LGR5: variants seen among roughly 807,000 people sequenced by gnomAD.
LGR5 encodes the protein leucine rich repeat containing G protein-coupled receptor 5, also known as leucine-rich repeat-containing G protein-coupled receptor 5.
LGR5 carries 54 observed loss-of-function variants against 76.7 expected under a neutral mutation model. The observed-to-expected ratio is 0.70, with a 90% CI of 0.57 to 0.88. LGR5 has a LOEUF of 0.88. Ranked by LOEUF, LGR5 falls within the 40% of genes least tolerant of loss-of-function variation. The probability of loss-of-function intolerance (pLI) is 0.00; values close to 1 mark genes in which losing one functional copy is unlikely to be tolerated. For synonymous variants in LGR5, 406 were observed against 421.9 expected, an observed-to-expected ratio of 0.96 and a Z score of 0.46; for missense variants, 1,078 against 1,073.3, an observed-to-expected ratio of 1.00 and a Z score of -0.06.
chr12:71,552,587 C>T (rs1255860891), intron 4 of LGR5, among the ~76,000 whole-genome samples: 5 of 150,440 alleles, frequency 3.3e-5, no homozygotes, highest in African/African-American at 7.4e-5. Context: ...AAAAAAATTA[C>T]GCAGTTCCTT....
Position 71,583,785 on chromosome 12 carries a change from T to G in LGR5, c.1775T>G (p.Ile592Ser), listed in dbSNP as rs764505750. 3.1e-6 allele frequency: 5 copies of G among 1,613,976 alleles called. No homozygotes were observed. In the Admixed American group the frequency reaches 8.3e-5, roughly 27 times the overall value. ...AGATCCCCTCTGTACATTTCCCCCA[T>G]TAAACTGTTAATTGGGGTCATCGCA... ...VFRSPLYISP[I>S]KLLIGVIAAV... Residue 592 changes from isoleucine (I) to serine (S), a missense_variant, in exon 18 of 18, where the codon ATT (isoleucine) becomes AGT (serine). Transcript: ENST00000266674.
Position 71,553,246 on chromosome 12 carries a change from T to TA in LGR5, c.603dup (p.Pro202ThrfsTer18). On this transcript the variant is annotated frameshift_variant, in exon 5 of 18. Transcript: ENST00000266674. LOFTEE classifies it high-confidence loss of function. The stretch of plus-strand genomic sequence containing the variant: ...TTGGCCCTGAACAAAATACACCACA[T>TA]ACCAGACTATGCCTTTGGAAACCTC... The TA allele has an allele frequency of 6.2e-7, 1 of 1,613,956 alleles. No homozygotes were observed. Among genetic ancestry groups the TA allele is most frequent in the Non-Finnish European group, 8.5e-7 (1 of 1,179,984 alleles).
chr12:71,526,590 T>A (rs1876016713), intron 3 of LGR5, among the ~76,000 whole-genome samples: 1 of 152,150 alleles, frequency 6.6e-6, no homozygotes, highest in African/African-American at 2.4e-5. Flanking sequence ...TAAAGATCAA[T>A]AAATATTGTT....
chr12:71,582,651 C>CA, intron 17 of LGR5, 112 bp downstream of exon 17: 1 of 742,404 alleles, frequency 1.3e-6, no homozygotes, highest in Non-Finnish European at 2.4e-6. Flanking sequence ...CTTTGCAGCT[C>CA]ATCAGTAACC....
Position 71,582,485 on chromosome 12 carries a change from G to C in LGR5, c.1582G>C (p.Asp528His). ...DERDLEDFLL[D>H]FEEDLKALHS... ...ACGTGACCTTGAAGATTTCCTGCTT[G>C]ACTTTGAGGAAGACCTGAAAGCCCT... The change falls in exon 17 of 18, where the codon GAC becomes CAC. Residue 528 changes from aspartate (D) to histidine (H), a missense_variant. Coordinates refer to ENST00000266674, the MANE Select transcript of LGR5 (RefSeq NM_003667.4). The C allele has an allele frequency of 6.2e-7, 1 of 1,614,030 alleles. No individual in the cohort carries two copies. Among genetic ancestry groups the C allele is most frequent in the Non-Finnish European group, 8.5e-7 (1 of 1,179,968 alleles).
chr12:71,582,624 A>G (rs1357121805), intron 17 of LGR5, 85 bp downstream of exon 17: 4 of 1,051,224 alleles, frequency 3.8e-6, no homozygotes, highest in Non-Finnish European at 5.9e-6. Flanking sequence ...ATACTTTAAA[A>G]GCCGAATCTG....
chr12:71,516,690 G>A (rs985898121), intron 2 of LGR5, among the ~76,000 whole-genome samples: 3 of 152,036 alleles, frequency 2.0e-5, no homozygotes, highest in Admixed American at 6.6e-5. Flanking sequence ...AAAGAAAATT[G>A]TACATTCTCC....
At chr12:71,494,377 C>T (rs1044463170) in intron 1 of LGR5, among the ~76,000 whole-genome samples, 7 of 150,872 alleles carry the variant, frequency 4.6e-5, no homozygotes, top group African/African-American at 1.5e-4. Flanking sequence ...TGAACCACTG[C>T]GCCTGGCTTG....
chr12:71,548,815 TACACAC>T (rs71068775), intron 4 of LGR5, among the ~76,000 whole-genome samples: 99,466 of 148,546 alleles, frequency 0.67, 35,045 homozygotes, highest in Non-Finnish European at 0.8. Flanking sequence ...CTAAGGTGCC[TACACAC>T]ACACACACAC....
chr12:71,517,735 C>A (rs576143904), intron 2 of LGR5, among the ~76,000 whole-genome samples: 2 of 152,324 alleles, frequency 1.3e-5, no homozygotes, highest in African/African-American at 4.8e-5. Context: ...TCATGGTCAA[C>A]CAAACCTGAA....
At chr12:71,495,056 G>C (rs1025676218) in intron 1 of LGR5, among the ~76,000 whole-genome samples, 1 of 148,794 alleles carries the variant, frequency 6.7e-6, no homozygotes, top group African/African-American at 2.6e-5. Context: ...CGGTGGCATG[G>C]CCCAAGGATT....
intron 1 of LGR5, among the ~76,000 whole-genome samples, chr12:71,486,940 G>C (rs924681772): frequency 1.3e-5 from 2 of 152,144 alleles, no homozygotes; most frequent in African/African-American, 4.8e-5. Context: ...ATGTACAAAT[G>C]ACCCTAAGTT....
At chr12:71,486,222 C>T (rs11178826) in intron 1 of LGR5, among the ~76,000 whole-genome samples, 2,144 of 152,180 alleles carry the variant, frequency 0.014, 21 homozygotes, top group South Asian at 0.027. Context: ...TCTCAGTTGC[C>T]GCTGTTGACA....
chr12:71,469,382 C>A lies in LGR5; in HGVS notation c.212+29090C>A, dbSNP rs78580128. ...TTTCATAAACAGGGCAAACTCCTGG[C>A]GTCCTCTGGCCTGATCCTGGAGGCT... is the stretch of plus-strand genomic sequence containing the variant. On this transcript the variant is annotated intron_variant, in intron 1 of 17. Coordinates refer to ENST00000266674, the MANE Select transcript of LGR5 (RefSeq NM_003667.4). 1.6e-3 allele frequency among the ~76,000 whole-genome samples: 251 copies of A among 152,350 alleles called. 3 individuals carry two copies. The East Asian group carries it at 0.026, about 16-fold the overall frequency.
At chr12:71,478,317 G>C (rs746498847) in intron 1 of LGR5, among the ~76,000 whole-genome samples, 2 of 152,182 alleles carry the variant, frequency 1.3e-5, no homozygotes, top group East Asian at 1.9e-4. Context: ...GTTAAGGAAA[G>C]ACAGATGACC....
chr12:71,577,773 A>C (rs1460679418), intron 13 of LGR5, 152 bp from the exon 14 acceptor site: 1 of 570,406 alleles, frequency 1.8e-6, no homozygotes, highest in Non-Finnish European at 3.1e-6. Context: ...TTATACCACT[A>C]ATATGATAAT....
At chr12:71,506,064 T>C (rs1390113402) in intron 2 of LGR5, among the ~76,000 whole-genome samples, 1 of 152,188 alleles carries the variant, frequency 6.6e-6, no homozygotes, top group Non-Finnish European at 1.5e-5. Context: ...CTTACACATG[T>C]CAACTCCCTA....
intron 11 of LGR5, among the ~76,000 whole-genome samples, chr12:71,571,108 GT>G (rs889904947): frequency 6.6e-6 from 1 of 152,014 alleles, no homozygotes; most frequent in African/African-American, 2.4e-5. Context: ...GAATTGTTAG[GT>G]TTTTTTAAAG....
At chr12:71,544,339 T>A (rs1185813650) in intron 4 of LGR5, among the ~76,000 whole-genome samples, 16 of 145,624 alleles carry the variant, frequency 1.1e-4, no homozygotes, top group African/African-American at 3.5e-4. Flanking sequence ...TTGTTAACCA[T>A]TTCAGAGGTA....
Sources: allele counts gnomAD v4.1 joint callset (sites outside exome capture counted in the v4.1 genomes callset), GRCh38; gene constraint gnomAD v4.1.1; transcripts MANE v1.5; gene names NCBI Gene and HGNC (gene_info 2026-07-23, HGNC 2026-07-21).